The following CD58 variants were observed in gnomAD, a reference collection of about 807,000 sequenced individuals.
CD58 encodes the protein lymphocyte function-associated antigen 3.
Under a neutral mutation model 27.6 loss-of-function variants are expected in CD58, and 14 were observed. The observed-to-expected ratio is 0.51, with a 90% CI of 0.34 to 0.79. CD58 has a LOEUF of 0.79. CD58 is among the 30% of genes least tolerant of loss of function. CD58 has a pLI of 0.02. For missense variants in CD58, 268 were observed against 301.7 expected (o/e 0.89, Z 0.83); for synonymous variants, 117 against 103.8 (o/e 1.13, Z -0.77).
In CD58 at chr1:116,551,564, C is replaced by G. The variant is rs549224990; in HGVS notation, c.71-6960G>C. On this transcript the variant is annotated intron_variant, in intron 1 of 5. Transcript: ENST00000369489. Reference sequence around the variant, plus strand: ...CTGGCTTGATCTTCTATGCAGACTACTCGAACTTTCTCCATCTGCAATAAC... The same window carrying G: ...CTGGCTTGATCTTCTATGCAGACTAGTCGAACTTTCTCCATCTGCAATAAC... Among the ~76,000 whole-genome samples, 5 of 152,288 alleles carry G rather than the reference C, an allele frequency of 3.3e-5. No homozygotes were observed. The South Asian group carries it at 1.0e-3, about 32-fold the overall frequency.
In CD58 at chr1:116,534,051, G is replaced by A; in HGVS notation, c.628+1914C>T. 1.0e-6 allele frequency: 1 copy of A among 980,798 alleles called. No homozygotes were observed. The highest frequency in any genetic ancestry group is 1.6e-6 in the Non-Finnish European group (1 of 609,142). The allele number at this position is 980,798 out of a possible 1,614,324, so 60.8% of individuals were successfully genotyped here. ...TACTTGCATTTTTAGCAGCTTCCAC[G>A]AAATCTGAAGGAACCCCATCTGAAA... On this transcript the variant is annotated intron_variant, in intron 3 of 5. Coordinates refer to ENST00000369489, the MANE Select transcript of CD58 (RefSeq NM_001779.3). This position sits in a 1 kb window ranked among gnomAD's most constrained non-coding sequence, Gnocchi z 5.3.
rs1658164197 is a variant in CD58, at chr1:116,546,207, A to G, written c.71-1603T>C. 6.6e-6 allele frequency among the ~76,000 whole-genome samples: 1 copy of G among 152,210 alleles called. No individual in the cohort carries two copies. Among genetic ancestry groups the G allele is most frequent in the Non-Finnish European group, 1.5e-5 (1 of 68,034 alleles). ...AAAAAACTGCAGCTATTTTAAGTTA[A>G]CATTAAAGAGCAATTAAAATTTGAC... On this transcript the variant is annotated intron_variant, in intron 1 of 5. Transcript: ENST00000369489. This position sits in a 1 kb window ranked among gnomAD's most constrained non-coding sequence, Gnocchi z 4.1.
rs189157196 is a variant in CD58 at position 116,522,845 on chromosome 1, A to G, written c.629-862T>C. 6.6e-6 allele frequency among the ~76,000 whole-genome samples: 1 copy of G among 151,264 alleles called. No individual in the cohort carries two copies. The highest frequency in any genetic ancestry group is 1.5e-5 in the Non-Finnish European group (1 of 68,010). ...GTTGTATATAATAAGCCTTAAAAAT[A>G]TTTATCATGAAGCATCTAGACATTG... is the stretch of plus-strand genomic sequence containing the variant. On this transcript the variant is annotated intron_variant, in intron 3 of 5. Coordinates refer to ENST00000369489, the MANE Select transcript of CD58 (RefSeq NM_001779.3). The surrounding 1 kb of genome is among the most constrained non-coding windows in gnomAD (Gnocchi z 4.6).
At chr1:116,568,259 T>C (rs1276498188) in intron 1 of CD58, among the ~76,000 whole-genome samples, 1 of 152,088 alleles carries the variant, frequency 6.6e-6, no homozygotes, top group Non-Finnish European at 1.5e-5. Flanking sequence ...TGATAAAGAA[T>C]TACAGGTGAG....
Position 116,533,132 on chromosome 1 carries a change from A to C in CD58, c.628+2833T>G, listed in dbSNP as rs571232314. The C allele has an allele frequency of 1.2e-5, 9 of 753,432 alleles. No homozygotes were observed. In the South Asian group the frequency reaches 1.2e-4, roughly 10 times the overall value. The allele number at this position is 753,432 out of a possible 1,614,324, so 46.7% of individuals were successfully genotyped here. ...TGGTCCGCTCACGGAAAAAGTGTCC[A>C]ATTTCAAAATCAGAGGCTAATACGA... On this transcript the variant is annotated intron_variant, in intron 3 of 5. Transcript: ENST00000369489.
At chr1:116,548,518 T>C (rs1306879801) in intron 1 of CD58, among the ~76,000 whole-genome samples, 1 of 152,234 alleles carries the variant, frequency 6.6e-6, no homozygotes, top group Non-Finnish European at 1.5e-5. Flanking sequence ...CTACACCTTA[T>C]GCTTTTCCTA....
chr1:116,559,576 CCA>C lies in CD58; in HGVS notation c.70+11325_70+11326del, dbSNP rs1557843989. ...TTTACTGATTTCAGCCACACCACCA[CCA>C]GTTTCCCTGCCCTCATCTACTTCAT... is the stretch of plus-strand genomic sequence containing the variant. On this transcript the variant is annotated intron_variant, in intron 1 of 5. Coordinates refer to ENST00000369489, the MANE Select transcript of CD58 (RefSeq NM_001779.3). This position sits in a 1 kb window ranked among gnomAD's most constrained non-coding sequence, Gnocchi z 4.4. Among the ~76,000 whole-genome samples, 1 of 152,162 alleles carries C rather than the reference CCA, an allele frequency of 6.6e-6. No homozygotes were observed. Among genetic ancestry groups the C allele is most frequent in the East Asian group, 1.9e-4 (1 of 5,188 alleles).
chr1:116,520,421 GTT>G (rs958418849), intron 4 of CD58, among the ~76,000 whole-genome samples: 2 of 136,760 alleles, frequency 1.5e-5, no homozygotes, highest in African/African-American at 5.3e-5. Flanking sequence ...CCTCCAAATT[GTT>G]TTTTTTTTTT....
chr1:116,539,642 T>C (rs1657929638), intron 2 of CD58, among the ~76,000 whole-genome samples: 1 of 152,258 alleles, frequency 6.6e-6, no homozygotes, highest in African/African-American at 2.4e-5. Flanking sequence ...TTTCTGGCTA[T>C]CTCATTACAC....
intron 4 of CD58, among the ~76,000 whole-genome samples, chr1:116,520,507 C>T (rs1046648484): frequency 8.8e-5 from 12 of 135,696 alleles, no homozygotes; most frequent in African/African-American, 3.3e-4. Flanking sequence ...TATTGAATGA[C>T]TTTTTTTTTT....
intron 2 of CD58, among the ~76,000 whole-genome samples, chr1:116,539,566 G>C (rs942097596): frequency 1.3e-5 from 2 of 152,174 alleles, no homozygotes; most frequent in Non-Finnish European, 2.9e-5. Flanking sequence ...AATTTCAGGG[G>C]AAACATGAAG....
chr1:116,523,124 T>C lies in CD58; in HGVS notation c.629-1141A>G, dbSNP rs535633614. Reference sequence around the variant, plus strand: ...CTAAGATGTTATCCTGGGGAAAATATCAATGATGTGCCCTTCTACTCCCCG... The same window carrying C: ...CTAAGATGTTATCCTGGGGAAAATACCAATGATGTGCCCTTCTACTCCCCG... On this transcript the variant is annotated intron_variant, in intron 3 of 5. Coordinates refer to ENST00000369489, the MANE Select transcript of CD58 (RefSeq NM_001779.3). The surrounding 1 kb of genome is among the most constrained non-coding windows in gnomAD (Gnocchi z 4.4). 6.6e-6 allele frequency among the ~76,000 whole-genome samples: 1 copy of C among 152,322 alleles called. No individual in the cohort carries two copies. Among genetic ancestry groups the C allele is most frequent in the Non-Finnish European group, 1.5e-5 (1 of 68,036 alleles).
Position 116,570,943 on chromosome 1 carries a change from G to A in CD58, c.30C>T (p.Ala10=). The change falls in exon 1 of 6, where the codon GCC becomes GCT. Residue 10 remains alanine (A), a synonymous_variant. Coordinates refer to ENST00000369489, the MANE Select transcript of CD58 (RefSeq NM_001779.3). This position sits in a 1 kb window ranked among gnomAD's most constrained non-coding sequence, Gnocchi z 6.4. MVAGSDAGR[A]LGVLSVVCLL... ...GGCAGACCACGCTGAGGACCCCCAG[G>A]GCCCGCCCCGCGTCGCTCCCAGCAA... The A allele has an allele frequency of 6.4e-7, 1 of 1,566,660 alleles. No homozygotes were observed. The highest frequency in any genetic ancestry group is 8.6e-7 in the Non-Finnish European group (1 of 1,162,644).
At position 116,532,974 on chromosome 1, in the gene CD58, T is replaced by C. The variant is rs1252907293; in HGVS notation, c.628+2991A>G. The C allele has an allele frequency of 2.1e-6, 2 of 940,132 alleles. No homozygotes were observed. Among genetic ancestry groups the C allele is most frequent in the African/African-American group, 3.3e-5 (2 of 61,260 alleles). 58.2% of individuals were successfully genotyped at this position (940,132 alleles called of 1,614,324 possible). A position where few individuals can be genotyped will look rare whatever the true frequency, so the allele number is the denominator to read the frequency against. On this transcript the variant is annotated intron_variant, in intron 3 of 5. Transcript: ENST00000369489. This position sits in a 1 kb window ranked among gnomAD's most constrained non-coding sequence, Gnocchi z 5.1. ...CATTCCGCCGGCTGGCTGGGTTCCT[T>C]GTTGGGATTAATTTCCACCTCATCC...
At chr1:116,545,551 T>G (rs1394994396) in intron 1 of CD58, among the ~76,000 whole-genome samples, 3 of 151,854 alleles carry the variant, frequency 2.0e-5, no homozygotes, top group Non-Finnish European at 4.4e-5. Flanking sequence ...GACTGTCAGG[T>G]CTCCTTGGCT....
chr1:116,562,416 T>G (rs1431844687), intron 1 of CD58, among the ~76,000 whole-genome samples: 2 of 152,184 alleles, frequency 1.3e-5, no homozygotes, highest in Non-Finnish European at 2.9e-5. Context: ...ATTCCCAGAC[T>G]CAAGCAATTG....
rs564671834 is a variant in CD58, at chr1:116,547,715, C to T, written c.71-3111G>A. 2.0e-5 allele frequency among the ~76,000 whole-genome samples: 3 copies of T among 152,182 alleles called. No individual in the cohort carries two copies. In the South Asian group the frequency reaches 6.2e-4, roughly 32 times the overall value. On this transcript the variant is annotated intron_variant, in intron 1 of 5. Coordinates refer to ENST00000369489, the MANE Select transcript of CD58 (RefSeq NM_001779.3). ...ACTCATTGATTGATGGGCATTTATG[C>T]TGATTCCATATTTTTGCAATTGCGA... is the stretch of plus-strand genomic sequence containing the variant.
Position 116,524,543 on chromosome 1 carries a change from A to T in CD58, c.629-2560T>A, listed in dbSNP as rs1181775895. ...TTGACTAGAGAAACAGCAATTTCATATGGTTCAAATTAATACCTTTAAATA... is the reference window on the plus strand; with the variant it reads ...TTGACTAGAGAAACAGCAATTTCATTTGGTTCAAATTAATACCTTTAAATA... On this transcript the variant is annotated intron_variant, in intron 3 of 5. Transcript: ENST00000369489. The surrounding 1 kb of genome is among the most constrained non-coding windows in gnomAD (Gnocchi z 4.6). Among the ~76,000 whole-genome samples the T allele has an allele frequency of 6.6e-6, 1 of 152,232 alleles. No homozygotes were observed. The highest frequency in any genetic ancestry group is 1.5e-5 in the Non-Finnish European group (1 of 68,044).
In CD58 at chr1:116,571,005, A is replaced by G; in HGVS notation, c.-33T>C. On this transcript the variant is annotated 5_prime_UTR_variant, in exon 1 of 6. Coordinates refer to ENST00000369489, the MANE Select transcript of CD58 (RefSeq NM_001779.3). ...CGGGCCGGCCTCTGCGCGAGTGCCC[A>G]GCCACAAGCAGCCCTAAGTTCAAGC... 6.6e-7 allele frequency: 1 copy of G among 1,516,084 alleles called. No individual in the cohort carries two copies. The highest frequency in any genetic ancestry group is 8.8e-7 in the Non-Finnish European group (1 of 1,132,422). 93.9% of individuals were successfully genotyped at this position (1,516,084 alleles called of 1,614,324 possible).
Sources: allele counts gnomAD v4.1 joint callset (sites outside exome capture counted in the v4.1 genomes callset), GRCh38; gene constraint gnomAD v4.1.1; non-coding constraint Gnocchi (gnomAD v3.1); transcripts MANE v1.5; gene names NCBI Gene and HGNC (gene_info 2026-07-23, HGNC 2026-07-21).